The following SLC25A13 variants were observed in gnomAD, a reference collection of about 807,000 sequenced individuals.
SLC25A13 encodes the protein solute carrier family 25 member 13.
A neutral mutation model predicts 85.5 loss-of-function variants in SLC25A13; 70 were observed. The ratio of observed to expected loss-of-function variants is 0.82; its 90% confidence interval spans 0.68 to 1.00. The LOEUF (loss-of-function observed/expected upper bound fraction) is 1.00, where lower values mean the gene tolerates loss of function less well. Ranked by LOEUF, SLC25A13 falls within the 50% of genes least tolerant of loss-of-function variation. SLC25A13 has a pLI of 0.00. For missense variants in SLC25A13, 765 were observed against 819.8 expected, an observed-to-expected ratio of 0.93 and a Z score of 0.82; for synonymous variants, 259 against 288.7, an observed-to-expected ratio of 0.90 and a Z score of 1.04.
chr7:96,122,993 C>G (rs1791576369), intron 15 of SLC25A13, among the ~76,000 whole-genome samples: 1 of 152,168 alleles, frequency 6.6e-6, no homozygotes, highest in South Asian at 2.1e-4. Flanking sequence ...TGGCTCACAA[C>G]TACATTTCAT....
intron 5 of SLC25A13, among the ~76,000 whole-genome samples, chr7:96,200,148 A>T (rs1039971864): frequency 5.3e-5 from 8 of 152,304 alleles, no homozygotes; most frequent in Admixed American, 1.3e-4. Flanking sequence ...TTGAAATTTT[A>T]ACAAAATCTA....
intron 5 of SLC25A13, among the ~76,000 whole-genome samples, chr7:96,206,089 C>T (rs1795450731): frequency 6.6e-6 from 1 of 152,204 alleles, no homozygotes; most frequent in Non-Finnish European, 1.5e-5. Flanking sequence ...TAGAGGAGTG[C>T]TGTCTCTACA....
At chr7:96,257,125 A>C (rs189146855) in intron 3 of SLC25A13, among the ~76,000 whole-genome samples, 1 of 152,316 alleles carries the variant, frequency 6.6e-6, no homozygotes, top group African/African-American at 2.4e-5. Flanking sequence ...AAAGATCTAA[A>C]ATTGACACTC....
chr7:96,131,938 C>A, intron 14 of SLC25A13, 57 bp from the exon 15 acceptor site: 1 of 1,610,786 alleles, frequency 6.2e-7, no homozygotes, highest in South Asian at 1.1e-5. Context: ...TTGAGGAGAT[C>A]AAGCTTCTCT....
intron 4 of SLC25A13, 41 bp downstream of exon 4, chr7:96,234,761 G>C: frequency 7.0e-7 from 1 of 1,432,406 alleles, no homozygotes; most frequent in Non-Finnish European, 9.8e-7. Context: ...GCTCACACAA[G>C]TCCACACTTA....
chr7:96,304,173 GAA>G (rs968211477), intron 1 of SLC25A13, among the ~76,000 whole-genome samples: 2 of 152,162 alleles, frequency 1.3e-5, no homozygotes, highest in African/African-American at 4.8e-5. Flanking sequence ...GTCATTATGG[GAA>G]AAGTTACTGA....
At chr7:96,202,886 T>C (rs1437045547) in intron 5 of SLC25A13, among the ~76,000 whole-genome samples, 1 of 152,096 alleles carries the variant, frequency 6.6e-6, no homozygotes, top group East Asian at 1.9e-4. Flanking sequence ...CAACCTTGAG[T>C]TCTGCAAATC....
intron 3 of SLC25A13, among the ~76,000 whole-genome samples, chr7:96,270,903 T>C (rs540842533): frequency 9.2e-5 from 14 of 152,262 alleles, no homozygotes; most frequent in South Asian, 6.2e-4. Flanking sequence ...CCTCGGTTTA[T>C]GGCTGCAACG....
chr7:96,262,741 C>A (rs1037518810), intron 3 of SLC25A13, among the ~76,000 whole-genome samples: 12 of 152,144 alleles, frequency 7.9e-5, no homozygotes, highest in Admixed American at 5.9e-4. Flanking sequence ...AAATATTCTT[C>A]TCTATGCATA....
chr7:96,212,596 C>A (rs1308082718), intron 4 of SLC25A13, among the ~76,000 whole-genome samples: 1 of 152,126 alleles, frequency 6.6e-6, no homozygotes, highest in Admixed American at 6.5e-5. Flanking sequence ...CAATGGCGAT[C>A]AATGGCATGA....
chr7:96,315,395 G>T (rs112718473), intron 1 of SLC25A13, among the ~76,000 whole-genome samples: 3,142 of 152,256 alleles, frequency 0.021, 67 homozygotes, highest in African/African-American at 0.055. Context: ...GGGAGACCCA[G>T]GCATCAGCAG....
chr7:96,270,121 T>C (rs1334817439), intron 3 of SLC25A13, among the ~76,000 whole-genome samples: 1 of 152,252 alleles, frequency 6.6e-6, no homozygotes, highest in Non-Finnish European at 1.5e-5. Context: ...AGATTTTAAG[T>C]GTTCTCAATA....
At chr7:96,163,524 T>C (rs774451392) in intron 13 of SLC25A13, among the ~76,000 whole-genome samples, 2 of 152,248 alleles carry the variant, frequency 1.3e-5, no homozygotes, top group Admixed American at 1.3e-4. Flanking sequence ...AAGTATCTAT[T>C]TGAAGCCACT....
chr7:96,284,805 T>C lies in SLC25A13; in HGVS notation c.70-7467A>G, dbSNP rs111781983. The stretch of plus-strand genomic sequence containing the variant: ...TCTCATTCGCCTTCCACCATGATTG[T>C]GAGGCCTCTCTAGCCATGTGGAACT... On this transcript the variant is annotated intron_variant, in intron 2 of 17. Transcript: ENST00000265631. Among the ~76,000 whole-genome samples the C allele has an allele frequency of 3.3e-3, 499 of 152,350 alleles. 1 individual carries two copies. The highest frequency in any genetic ancestry group is 0.011 in the African/African-American group (466 of 41,588).
intron 3 of SLC25A13, among the ~76,000 whole-genome samples, chr7:96,271,513 G>A (rs1365296184): frequency 2.0e-5 from 3 of 152,182 alleles, no homozygotes; most frequent in East Asian, 3.8e-4. Flanking sequence ...AAAGAGGACT[G>A]TGAGATTATG....
chr7:96,171,505 CA>C lies in SLC25A13; in HGVS notation c.1196del (p.Leu399TrpfsTer9). On this transcript the variant is annotated frameshift_variant, in exon 12 of 18. Transcript: ENST00000265631. LOFTEE classifies it high-confidence loss of function. The stretch of plus-strand genomic sequence containing the variant: ...TTATGGCCTTCTCTGGGGCAACTCC[CA>C]ATAACTGTGGCAACAGACCTAAAAA... ...GLYRGLLPQL[L>X]GVAPEKAIKL... The C allele has an allele frequency of 6.2e-7, 1 of 1,613,350 alleles. No homozygotes were observed. Among genetic ancestry groups the C allele is most frequent in the Non-Finnish European group, 8.5e-7 (1 of 1,179,436 alleles).
chr7:96,228,872 T>A (rs189113941), intron 4 of SLC25A13, among the ~76,000 whole-genome samples: 1 of 152,160 alleles, frequency 6.6e-6, no homozygotes, highest in East Asian at 1.9e-4. Context: ...GTGGAGGGTG[T>A]GCTGGGTCCC....
chr7:96,269,099 C>A (rs1798136717), intron 3 of SLC25A13, among the ~76,000 whole-genome samples: 1 of 152,194 alleles, frequency 6.6e-6, no homozygotes, highest in South Asian at 2.1e-4. Flanking sequence ...TCCAAGAGGG[C>A]AACAAGCACT....
At chr7:96,180,043 C>G (rs966114446) in intron 11 of SLC25A13, among the ~76,000 whole-genome samples, 5 of 152,194 alleles carry the variant, frequency 3.3e-5, no homozygotes, top group African/African-American at 1.2e-4. Flanking sequence ...GATATCACCA[C>G]AACATCCTCT....
Sources: gnomAD v4.1 joint callset for allele counts (sites outside exome capture counted in the v4.1 genomes callset) on GRCh38, gnomAD v4.1.1 for gene constraint, MANE v1.5 for transcripts, NCBI Gene and HGNC (gene_info 2026-07-23, HGNC 2026-07-21) for gene names.